KLHL18: variants seen among roughly 807,000 people sequenced by gnomAD.
The protein encoded by KLHL18 is kelch like family member 18.
Under a neutral mutation model 58.5 loss-of-function variants are expected in KLHL18, and 38 were observed. The observed-to-expected ratio is 0.65, with a 90% confidence interval of 0.50 to 0.85. The LOEUF (loss-of-function observed/expected upper bound fraction) is 0.85. Among genes scored for constraint, KLHL18 ranks in the 40% least tolerant of loss-of-function variants. The pLI is 0.00. For synonymous variants in KLHL18, 303 were observed against 301.9 expected (o/e 1.00, Z -0.04); for missense variants, 624 against 778.4 (o/e 0.80, Z 2.36).
At chr3:47,286,223 A>G (rs981098900) in intron 1 of KLHL18, among the ~76,000 whole-genome samples, 5 of 152,166 alleles carry the variant, frequency 3.3e-5, no homozygotes, top group Admixed American at 3.3e-4. Flanking sequence ...GACTGTAGAG[A>G]GCATTTACTT....
At chr3:47,284,246 G>GTC (rs1006615175) in intron 1 of KLHL18, among the ~76,000 whole-genome samples, 4 of 149,416 alleles carry the variant, frequency 2.7e-5, no homozygotes, top group Admixed American at 6.7e-5. Flanking sequence ...ATTTCTCTCT[G>GTC]TCTCTCTCAC....
chr3:47,345,730 C>T lies in KLHL18; in HGVS notation c.*1789C>T, dbSNP rs906682833. 5.2e-5 allele frequency: 8 copies of T among 152,560 alleles called. No individual in the cohort carries two copies. Among genetic ancestry groups the T allele is most frequent in the African/African-American group, 1.9e-4 (8 of 41,402 alleles). 9.5% of individuals were successfully genotyped at this position (152,560 alleles called of 1,614,324 possible). A position where few individuals can be genotyped will look rare whatever the true frequency, so the allele number is the denominator to read the frequency against. On this transcript the variant is annotated 3_prime_UTR_variant, in exon 10 of 10. Coordinates refer to ENST00000232766, the MANE Select transcript of KLHL18 (RefSeq NM_025010.5). ...TGGTTTCCTATCCTTTGCTGCCTGC[C>T]TGGGGTGGCCTGGAAGCCTGTTCAG...
intron 1 of KLHL18, among the ~76,000 whole-genome samples, chr3:47,311,325 CA>C (rs772148832): frequency 1.3e-5 from 2 of 152,108 alleles, no homozygotes; most frequent in Non-Finnish European, 2.9e-5. Flanking sequence ...CTTTGCTTTT[CA>C]TAGCTGTTCT....
intron 1 of KLHL18, among the ~76,000 whole-genome samples, chr3:47,313,885 A>G (rs1703363494): frequency 6.6e-6 from 1 of 152,136 alleles, no homozygotes; most frequent in Non-Finnish European, 1.5e-5. Flanking sequence ...TGGTTTTCTC[A>G]TCTATAGAAC....
At position 47,316,548 on chromosome 3, in the gene KLHL18, C is replaced by CATATATATGTATATGTGTGTAT. The variant is rs1559495599; in HGVS notation, c.130-3098_130-3097insTGTATATGTGTGTATATATATA. Among the ~76,000 whole-genome samples the CATATATATGTATATGTGTGTAT allele has an allele frequency of 7.1e-3, 52 of 7,316 alleles. 2 individuals are homozygous for CATATATATGTATATGTGTGTAT. Among genetic ancestry groups the CATATATATGTATATGTGTGTAT allele is most frequent in the African/African-American group, 0.011 (49 of 4,338 alleles). 4.8% of individuals were successfully genotyped at this position (7,316 alleles called of 152,430 possible). A position where few individuals can be genotyped will look rare whatever the true frequency, so the allele number is the denominator to read the frequency against. ...ATATATGTATATATATACATATATA[C>CATATATATGTATATGTGTGTAT]ATATATACATATATATGTATATGTG... On this transcript the variant is annotated intron_variant, in intron 1 of 9. Transcript: ENST00000232766.
At chr3:47,311,221 G>T (rs563364048) in intron 1 of KLHL18, among the ~76,000 whole-genome samples, 1 of 152,094 alleles carries the variant, frequency 6.6e-6, no homozygotes, top group Admixed American at 6.5e-5. Flanking sequence ...ATGTTAGCCA[G>T]GATGACCTCG....
At chr3:47,298,179 A>G (rs1193533802) in intron 1 of KLHL18, among the ~76,000 whole-genome samples, 1 of 152,062 alleles carries the variant, frequency 6.6e-6, no homozygotes, top group Non-Finnish European at 1.5e-5. Flanking sequence ...CAGGAGTTCA[A>G]GACCAGCCTG....
chr3:47,310,568 C>CT (rs1258283419), intron 1 of KLHL18, among the ~76,000 whole-genome samples: 5 of 152,248 alleles, frequency 3.3e-5, no homozygotes. Context: ...ATACCAGACT[C>CT]TGTCATCCAC....
At chr3:47,340,454 C>T in intron 7 of KLHL18, 118 bp from the exon 8 acceptor site, 1 of 1,479,524 alleles carries the variant, frequency 6.8e-7, no homozygotes, top group Admixed American at 1.8e-5. Context: ...TACTTAGTCA[C>T]ATACCTTAGA....
intron 3 of KLHL18, among the ~76,000 whole-genome samples, chr3:47,325,347 G>C (rs1703691373): frequency 6.6e-6 from 1 of 152,086 alleles, no homozygotes. Flanking sequence ...ACAGGCGCCT[G>C]CCACCACGCC....
intron 1 of KLHL18, among the ~76,000 whole-genome samples, chr3:47,307,183 T>C (rs1346959310): frequency 6.6e-6 from 1 of 152,194 alleles, no homozygotes; most frequent in Non-Finnish European, 1.5e-5. Flanking sequence ...GCGATTCTCC[T>C]GCTTCAGCCT....
At chr3:47,295,084 G>A (rs1412518071) in intron 1 of KLHL18, among the ~76,000 whole-genome samples, 2 of 152,168 alleles carry the variant, frequency 1.3e-5, no homozygotes, top group Non-Finnish European at 2.9e-5. Context: ...AAGTAATCAC[G>A]ATATCTGAGG....
chr3:47,340,976 G>A (rs983060622), intron 8 of KLHL18, among the ~76,000 whole-genome samples: 13 of 152,010 alleles, frequency 8.6e-5, no homozygotes, highest in Non-Finnish European at 1.5e-4. Flanking sequence ...ATAAGAAGTA[G>A]ATGAACAGCA....
intron 4 of KLHL18, among the ~76,000 whole-genome samples, chr3:47,332,787 G>C (rs1011065718): frequency 6.6e-6 from 1 of 151,954 alleles, no homozygotes; most frequent in Non-Finnish European, 1.5e-5. Context: ...TTTTAGATGA[G>C]GGGGGACAGT....
At chr3:47,306,947 T>G (rs1174152205) in intron 1 of KLHL18, among the ~76,000 whole-genome samples, 5 of 152,238 alleles carry the variant, frequency 3.3e-5, no homozygotes, top group South Asian at 2.1e-4. Context: ...ATACCTAGTT[T>G]TAGGTAAGTC....
chr3:47,326,318 C>T (rs1703721033), intron 3 of KLHL18, among the ~76,000 whole-genome samples: 1 of 152,186 alleles, frequency 6.6e-6, no homozygotes, highest in African/African-American at 2.4e-5. Context: ...TGAACCACGT[C>T]AGTAACCTGT....
At chr3:47,336,378 A>G (rs1703984709) in intron 6 of KLHL18, 157 bp from the exon 7 acceptor site, 6 of 652,598 alleles carry the variant, frequency 9.2e-6, no homozygotes, top group Non-Finnish European at 1.6e-5. Flanking sequence ...TGAGGTGATC[A>G]TGGCTGAAAT....
At chr3:47,306,653 G>A (rs1576150165) in intron 1 of KLHL18, among the ~76,000 whole-genome samples, 1 of 152,258 alleles carries the variant, frequency 6.6e-6, no homozygotes. Flanking sequence ...GAGTTAAATT[G>A]CTAGGTCATT....
intron 3 of KLHL18, among the ~76,000 whole-genome samples, chr3:47,327,098 C>T (rs1056594450): frequency 2.0e-4 from 31 of 151,772 alleles, no homozygotes; most frequent in Non-Finnish European, 3.7e-4. Context: ...AATGAGCCGG[C>T]CGTGGTGGCG....
Sources: gnomAD v4.1 joint callset for allele counts (sites outside exome capture counted in the v4.1 genomes callset) on GRCh38, gnomAD v4.1.1 for gene constraint, MANE v1.5 for transcripts, NCBI Gene and HGNC (gene_info 2026-07-23, HGNC 2026-07-21) for gene names.